The following DDX10 variants were observed in gnomAD, a reference collection of about 807,000 sequenced individuals.
The protein encoded by DDX10 is DEAD-box helicase 10, also known as probable ATP-dependent RNA helicase DDX10.
DDX10 carries 74 observed loss-of-function variants against 104.3 expected under a neutral mutation model. The observed-to-expected ratio is 0.71, with a 90% CI of 0.59 to 0.86. The LOEUF is 0.86. Ranked by LOEUF, DDX10 falls within the 40% of genes least tolerant of loss-of-function variation. The pLI is 0.00. For synonymous variants in DDX10, 351 were observed against 353.4 expected (o/e 0.99, Z 0.08); for missense variants, 952 against 1,040.0 (o/e 0.92, Z 1.16).
chr11:108,759,384 C>T (rs2094348050), intron 13 of DDX10, among the ~76,000 whole-genome samples: 1 of 151,868 alleles, frequency 6.6e-6, no homozygotes, highest in Admixed American at 6.6e-5. Context: ...GGGTACTCCA[C>T]TGGTTTGTGT....
At chr11:108,901,682 A>G (rs892918368) in intron 16 of DDX10, among the ~76,000 whole-genome samples, 9 of 152,308 alleles carry the variant, frequency 5.9e-5, no homozygotes, top group African/African-American at 2.2e-4. Context: ...CAACTTCTCT[A>G]TAAGAAATTT....
At position 108,940,847 on chromosome 11, in the gene DDX10, C is replaced by T. The variant is rs912817800; in HGVS notation, c.*424C>T. Reference sequence around the variant, plus strand: ...GACGTATTTAATATTTTCAAAGAGACTATGATGGACCAGCCCTGAGAAAGA... The same window carrying T: ...GACGTATTTAATATTTTCAAAGAGATTATGATGGACCAGCCCTGAGAAAGA... On this transcript the variant is annotated 3_prime_UTR_variant, in exon 18 of 18. Coordinates refer to ENST00000322536, the MANE Select transcript of DDX10 (RefSeq NM_004398.4). 2 of 215,036 alleles carry T rather than the reference C, an allele frequency of 9.3e-6. No individual in the cohort carries two copies. Among genetic ancestry groups the T allele is most frequent in the Non-Finnish European group, 1.9e-5 (2 of 106,822 alleles). The allele number at this position is 215,036 out of a possible 1,614,324, so 13.3% of individuals were successfully genotyped here.
chr11:108,694,829 C>T (rs574639558), intron 9 of DDX10, among the ~76,000 whole-genome samples: 4 of 152,092 alleles, frequency 2.6e-5, no homozygotes, highest in Non-Finnish European at 4.4e-5. Flanking sequence ...TGCAGTGAGC[C>T]GAGATCGCAC....
At chr11:108,760,708 G>C (rs2094349821) in intron 13 of DDX10, among the ~76,000 whole-genome samples, 1 of 150,154 alleles carries the variant, frequency 6.7e-6, no homozygotes, top group Non-Finnish European at 1.5e-5. Flanking sequence ...GGACTTCAGG[G>C]CCTGTATAGG....
In DDX10 at chr11:108,734,832, A is replaced by G. The variant is rs76527604; in HGVS notation, c.1965+11370A>G. Among the ~76,000 whole-genome samples the G allele has an allele frequency of 1.4e-3, 211 of 152,326 alleles. 2 individuals carry two copies. The highest frequency in any genetic ancestry group is 4.9e-3 in the African/African-American group (203 of 41,584). ...CCTTTGAACTTGTTATATGATTAGA[A>G]ATAAGGAGTTTTCAAATTCATAAAC... On this transcript the variant is annotated intron_variant, in intron 13 of 17. Coordinates refer to ENST00000322536, the MANE Select transcript of DDX10 (RefSeq NM_004398.4).
At chr11:108,820,978 C>T (rs1467026520) in intron 13 of DDX10, among the ~76,000 whole-genome samples, 2 of 152,124 alleles carry the variant, frequency 1.3e-5, no homozygotes, top group Non-Finnish European at 2.9e-5. Flanking sequence ...GAAAATTGAT[C>T]TTGATTAGCC....
intron 16 of DDX10, among the ~76,000 whole-genome samples, chr11:108,878,495 T>C (rs1010403091): frequency 6.6e-6 from 1 of 152,240 alleles, no homozygotes; most frequent in East Asian, 1.9e-4. Context: ...TCTTGTTTTC[T>C]TTCCCTAATG....
At chr11:108,805,735 C>A (rs571314950) in intron 13 of DDX10, among the ~76,000 whole-genome samples, 1 of 152,028 alleles carries the variant, frequency 6.6e-6, no homozygotes, top group Non-Finnish European at 1.5e-5. Flanking sequence ...GGTCTTGCTT[C>A]TACATCCTTC....
intron 13 of DDX10, among the ~76,000 whole-genome samples, chr11:108,792,073 T>C (rs1301477875): frequency 6.6e-6 from 1 of 152,176 alleles, no homozygotes; most frequent in Non-Finnish European, 1.5e-5. Flanking sequence ...ACCTTTTATA[T>C]ATCATTTTTG....
At chr11:108,777,261 A>C (rs1235059118) in intron 13 of DDX10, among the ~76,000 whole-genome samples, 5 of 152,108 alleles carry the variant, frequency 3.3e-5, no homozygotes, top group Admixed American at 3.3e-4. Context: ...TCCTGCCATT[A>C]CTGGAGCTAG....
chr11:108,787,315 T>C (rs1235569728), intron 13 of DDX10, among the ~76,000 whole-genome samples: 1 of 152,156 alleles, frequency 6.6e-6, no homozygotes, highest in African/African-American at 2.4e-5. Context: ...CTGATGACTA[T>C]GTGCCTTGGA....
intron 16 of DDX10, among the ~76,000 whole-genome samples, chr11:108,887,475 A>G (rs1234203148): frequency 1.3e-5 from 2 of 151,670 alleles, no homozygotes; most frequent in East Asian, 3.9e-4. Context: ...CTTAAAAAAA[A>G]AGAAAAAACT....
intron 10 of DDX10, among the ~76,000 whole-genome samples, chr11:108,711,559 C>T (rs1217329276): frequency 2.0e-5 from 3 of 152,136 alleles, no homozygotes; most frequent in East Asian, 1.9e-4. Flanking sequence ...TTTTGAACTC[C>T]CGACCCCAGG....
intron 17 of DDX10, among the ~76,000 whole-genome samples, chr11:108,935,142 G>A (rs780232507): frequency 1.3e-5 from 2 of 152,108 alleles, no homozygotes; most frequent in Non-Finnish European, 2.9e-5. Context: ...CATTTGGTAG[G>A]CAGAAGAAGA....
intron 13 of DDX10, among the ~76,000 whole-genome samples, chr11:108,747,093 G>T (rs1016333583): frequency 6.6e-6 from 1 of 151,904 alleles, no homozygotes; most frequent in African/African-American, 2.4e-5. Context: ...TATGTAAAGG[G>T]GTCTGAACAT....
intron 17 of DDX10, chr11:108,921,174 A>T (rs528946868): frequency 6.6e-6 from 1 of 152,304 alleles, no homozygotes; most frequent in East Asian, 1.9e-4. Context: ...TTTATACTTT[A>T]ATTTCCATTT....
intron 1 of DDX10, among the ~76,000 whole-genome samples, chr11:108,669,972 G>A (rs143819609): frequency 2.0e-5 from 3 of 152,310 alleles, no homozygotes; most frequent in African/African-American, 7.2e-5. Flanking sequence ...TTAGCCAAGC[G>A]AAACCTATTG....
intron 13 of DDX10, among the ~76,000 whole-genome samples, chr11:108,811,163 A>C (rs1565286109): frequency 6.6e-6 from 1 of 152,212 alleles, no homozygotes; most frequent in Non-Finnish European, 1.5e-5. Context: ...TGTACCCAGT[A>C]CAGTGTGTGT....
intron 6 of DDX10, among the ~76,000 whole-genome samples, chr11:108,684,097 C>G (rs2094239324): frequency 7.2e-6 from 1 of 138,140 alleles, no homozygotes; most frequent in Non-Finnish European, 1.6e-5. Flanking sequence ...TCTTTGGACT[C>G]CTTGCTTTCT....
Sources: allele counts gnomAD v4.1 joint callset (sites outside exome capture counted in the v4.1 genomes callset), GRCh38; gene constraint gnomAD v4.1.1; transcripts MANE v1.5; gene names NCBI Gene and HGNC (gene_info 2026-07-23, HGNC 2026-07-21).